The following DIP2B variants were observed in gnomAD, a reference collection of about 807,000 sequenced individuals.
The protein encoded by DIP2B is DIP2 acetate--CoA ligase B (putative).
DIP2B carries 76 observed loss-of-function variants against 198.0 expected under a neutral mutation model. The ratio of observed to expected loss-of-function variants is 0.38; its 90% CI spans 0.32 to 0.46. The LOEUF is 0.46. Ranked by LOEUF, DIP2B falls within the 20% of genes least tolerant of loss-of-function variation. DIP2B has a pLI of 0.99. For synonymous variants in DIP2B, 701 were observed against 739.1 expected, an observed-to-expected ratio of 0.95 and a Z score of 0.84; for missense variants, 1,559 against 1,978.4, an observed-to-expected ratio of 0.79 and a Z score of 4.02.
chr12:50,558,386 T>A (rs1044424097), intron 1 of DIP2B, among the ~76,000 whole-genome samples: 2 of 152,236 alleles, frequency 1.3e-5, no homozygotes, highest in Non-Finnish European at 2.9e-5. Context: ...TAAGTTTCTG[T>A]GTTCCTGCCA....
At chr12:50,516,315 C>T (rs1299657820) in intron 1 of DIP2B, among the ~76,000 whole-genome samples, 3 of 151,870 alleles carry the variant, frequency 2.0e-5, no homozygotes, top group East Asian at 1.9e-4. Flanking sequence ...AGTGCAGTGG[C>T]GAGATCATAG....
chr12:50,601,857 C>T (rs1958939648), intron 1 of DIP2B, among the ~76,000 whole-genome samples: 2 of 152,166 alleles, frequency 1.3e-5, no homozygotes, highest in South Asian at 4.1e-4. Context: ...TCCAATGACC[C>T]CAGTCTGTTT....
chr12:50,706,798 C>G (rs977125343), intron 21 of DIP2B, 133 bp downstream of exon 21: 12 of 1,015,276 alleles, frequency 1.2e-5, no homozygotes, highest in African/African-American at 1.6e-5. Context: ...ATTGCATAAG[C>G]CTGGCTTTTT....
At chr12:50,723,921 G>A (rs918279751) in intron 27 of DIP2B, among the ~76,000 whole-genome samples, 2 of 152,176 alleles carry the variant, frequency 1.3e-5, no homozygotes, top group Non-Finnish European at 2.9e-5. Flanking sequence ...AAGGTGTCCA[G>A]AACTTGCTCT....
intron 1 of DIP2B, among the ~76,000 whole-genome samples, chr12:50,532,352 TA>T (rs1391946744): frequency 6.6e-6 from 1 of 151,978 alleles, no homozygotes; most frequent in Non-Finnish European, 1.5e-5. Context: ...GCGTGTCTAC[TA>T]AAAATACAAA....
intron 1 of DIP2B, among the ~76,000 whole-genome samples, chr12:50,563,773 G>A (rs1400305215): frequency 6.6e-6 from 1 of 151,254 alleles, no homozygotes; most frequent in African/African-American, 2.4e-5. Flanking sequence ...TGGGTTTACA[G>A]GCATAAGCCA....
Position 50,704,179 on chromosome 12 carries a change from G to A in DIP2B, c.2365G>A (p.Val789Met). Reference sequence around the variant, plus strand: ...TTCTGCAGGCTCTCCTGTTGGGGATGTGCCATTCATCCGATCAGGATTGCT... The same window carrying A: ...TTCTGCAGGCTCTCCTGTTGGGGATATGCCATTCATCCGATCAGGATTGCT... ...VNSAGSPVGD[V>M]PFIRSGLLGF... The change falls in exon 20 of 38, where the codon GTG becomes ATG. Residue 789 changes from valine to methionine, a missense_variant. Val to Met is a conservative substitution (Grantham distance 21, BLOSUM62 1). Transcript: ENST00000301180. The A allele has an allele frequency of 1.2e-6, 2 of 1,611,488 alleles. No individual in the cohort carries two copies. Among genetic ancestry groups the A allele is most frequent in the Non-Finnish European group, 1.7e-6 (2 of 1,179,568 alleles).
At chr12:50,684,893 A>C (rs1284136378) in intron 10 of DIP2B, among the ~76,000 whole-genome samples, 4 of 152,124 alleles carry the variant, frequency 2.6e-5, no homozygotes, top group Non-Finnish European at 2.9e-5. Context: ...GGAGTTCAAA[A>C]CCAGCCTGGC....
chr12:50,585,049 G>A (rs1958758806), intron 1 of DIP2B, among the ~76,000 whole-genome samples: 1 of 152,098 alleles, frequency 6.6e-6, no homozygotes, highest in Non-Finnish European at 1.5e-5. Flanking sequence ...TCATGCCCCA[G>A]GGCCTTGACA....
chr12:50,570,008 A>G (rs985844670), intron 1 of DIP2B, among the ~76,000 whole-genome samples: 6 of 152,220 alleles, frequency 3.9e-5, no homozygotes, highest in Non-Finnish European at 7.3e-5. Flanking sequence ...GTTTGGTTGT[A>G]GAAACTTGTC....
chr12:50,719,138 TGAA>T (rs2139583820), intron 25 of DIP2B, 103 bp downstream of exon 25: 1 of 1,262,456 alleles, frequency 7.9e-7, no homozygotes, highest in South Asian at 1.4e-5. Context: ...TTGCCATCTC[TGAA>T]GAAGGAGTTA....
intron 1 of DIP2B, among the ~76,000 whole-genome samples, chr12:50,506,028 C>T (rs1450186907): frequency 6.7e-6 from 1 of 149,994 alleles, no homozygotes; most frequent in African/African-American, 2.5e-5. Flanking sequence ...GATTTATTTT[C>T]AGAATTAAAA....
chr12:50,553,788 G>C (rs942409015), intron 1 of DIP2B, among the ~76,000 whole-genome samples: 5 of 151,992 alleles, frequency 3.3e-5, no homozygotes, highest in Non-Finnish European at 5.9e-5. Context: ...CAAGTAGCTA[G>C]GACTACAGCA....
chr12:50,728,791 G>GCA, intron 30 of DIP2B, 113 bp downstream of exon 30: 1 of 1,251,530 alleles, frequency 8.0e-7, no homozygotes, highest in Non-Finnish European at 1.1e-6. Flanking sequence ...TAAAATGCTA[G>GCA]TGTTTCCAGA....
intron 2 of DIP2B, among the ~76,000 whole-genome samples, chr12:50,639,437 T>C (rs938941467): frequency 2.0e-5 from 3 of 152,050 alleles, no homozygotes; most frequent in African/African-American, 4.8e-5. Context: ...CCTCAACACA[T>C]GGCCTTTCCA....
intron 9 of DIP2B, among the ~76,000 whole-genome samples, chr12:50,681,755 T>C (rs1939045441): frequency 1.3e-5 from 2 of 152,222 alleles, no homozygotes; most frequent in African/African-American, 4.8e-5. Flanking sequence ...AAAAATACTT[T>C]TGCATTGTGA....
At chr12:50,532,222 A>G (rs1291408168) in intron 1 of DIP2B, among the ~76,000 whole-genome samples, 1 of 152,216 alleles carries the variant, frequency 6.6e-6, no homozygotes, top group Non-Finnish European at 1.5e-5. Context: ...TGAGTTAAAA[A>G]TAAGAGTGTT....
At chr12:50,725,003 C>A in intron 28 of DIP2B, 117 bp downstream of exon 28, 2 of 999,322 alleles carry the variant, frequency 2.0e-6, no homozygotes, top group Non-Finnish European at 3.1e-6. Flanking sequence ...CCTGCTAAGA[C>A]AGAGGCAAAA....
intron 1 of DIP2B, among the ~76,000 whole-genome samples, chr12:50,577,258 G>A (rs756125709): frequency 2.6e-5 from 4 of 152,160 alleles, no homozygotes; most frequent in Non-Finnish European, 5.9e-5. Flanking sequence ...AGGGCCAGGC[G>A]CCATGGCTCA....
Sources: allele counts gnomAD v4.1 joint callset (sites outside exome capture counted in the v4.1 genomes callset), GRCh38; gene constraint gnomAD v4.1.1; transcripts MANE v1.5; gene names NCBI Gene and HGNC (gene_info 2026-07-23, HGNC 2026-07-21).